MYH3: variants seen among roughly 807,000 people sequenced by gnomAD.
MYH3 encodes the protein myosin heavy chain 3, also known as myosin-3.
MYH3 carries 130 observed loss-of-function variants against 238.0 expected under a neutral mutation model. The observed-to-expected ratio is 0.55, with a 90% CI of 0.47 to 0.63. MYH3 has a LOEUF of 0.63. Ranked by LOEUF, MYH3 falls within the 30% of genes least tolerant of loss-of-function variation. The pLI, the probability that MYH3 is intolerant of heterozygous loss-of-function variation, is 0.00. For synonymous variants in MYH3, 880 were observed against 924.1 expected (o/e 0.95, Z 0.86); for missense variants, 1,853 against 2,374.9 (o/e 0.78, Z 4.57).
intron 28 of MYH3, among the ~76,000 whole-genome samples, chr17:10,637,193 G>A (rs1412199543): frequency 2.0e-5 from 3 of 151,748 alleles, no homozygotes; most frequent in African/African-American, 7.3e-5. Context: ...CCAAGTAGCT[G>A]GGATTACAGG....
chr17:10,648,599 A>T lies in MYH3; in HGVS notation c.693T>A (p.Phe231Leu). Residue 231 changes from phenylalanine to leucine, a missense_variant, in exon 8 of 41, where the codon TTT becomes TTA. Coordinates refer to ENST00000583535, the MANE Select transcript of MYH3 (RefSeq NM_002470.4). ...CATTCCTCACAGTCTTGGCGTTCCC[A>T]AAGGCCTCCAGCAGGGGATTGGCAC... ...IISANPLLEAFGNAKTVRNDN... is the reference protein window; with the variant it reads ...IISANPLLEALGNAKTVRNDN... 1 of 1,614,104 alleles carries T rather than the reference A, an allele frequency of 6.2e-7. No homozygotes were observed. The highest frequency in any genetic ancestry group is 8.5e-7 in the Non-Finnish European group (1 of 1,179,978).
At chr17:10,644,830 C>A in intron 12 of MYH3, 128 bp from the exon 13 acceptor site, 1 of 757,502 alleles carries the variant, frequency 1.3e-6, no homozygotes, top group Non-Finnish European at 2.3e-6. Flanking sequence ...ACTGCATATA[C>A]ATGGCCAATG....
chr17:10,633,771 A>G, intron 32 of MYH3, 56 bp from the exon 33 acceptor site: 1 of 1,607,188 alleles, frequency 6.2e-7, no homozygotes, highest in South Asian at 1.1e-5. Context: ...GTTTCCAGAC[A>G]TGCAAAGCAT....
chr17:10,640,695 T>C lies in MYH3; in HGVS notation c.2166-9A>G. The C allele has an allele frequency of 1.2e-6, 2 of 1,613,872 alleles. No homozygotes were observed. Among genetic ancestry groups the C allele is most frequent in the Non-Finnish European group, 1.7e-6 (2 of 1,179,858 alleles). On this transcript the variant is annotated splice_polypyrimidine_tract_variant and intron_variant, in intron 19 of 40. Transcript: ENST00000583535. ...CATTCAGCACTCGGTATCTGCATTG[T>C]AGACATGGAAATCATCACAGACTGT...
chr17:10,669,061 G>A, the MYH3 span, among the ~76,000 whole-genome samples: 1 of 152,160 alleles, frequency 6.6e-6, no homozygotes, highest in African/African-American at 2.4e-5. Flanking sequence ...TGATTGATGG[G>A]GAAACTATGA....
At chr17:10,671,287 C>G in the MYH3 span, among the ~76,000 whole-genome samples, 2 of 152,074 alleles carry the variant, frequency 1.3e-5, no homozygotes. Context: ...CTGCAGTGAA[C>G]AAATTCTTGT....
intron 32 of MYH3, 37 bp downstream of exon 32, chr17:10,633,980 G>T: frequency 6.2e-7 from 1 of 1,609,778 alleles, no homozygotes. Context: ...AATAGAGCAT[G>T]AAAGGAGGAG....
chr17:10,665,315 G>T, the MYH3 span, among the ~76,000 whole-genome samples: 1 of 152,082 alleles, frequency 6.6e-6, no homozygotes, highest in Middle Eastern at 3.4e-3. Flanking sequence ...GCTAGTTTTT[G>T]TATTTTTAGT....
In MYH3 at chr17:10,632,503, G is replaced by T; in HGVS notation, c.4929C>A (p.His1643Gln). The T allele has an allele frequency of 6.2e-7, 1 of 1,614,014 alleles. No individual in the cohort carries two copies. The highest frequency in any genetic ancestry group is 8.5e-7 in the Non-Finnish European group (1 of 1,180,042). Residue 1643 changes from histidine (H) to glutamine (Q), a missense_variant, in exon 34 of 41, where the codon CAC (histidine) becomes CAA (glutamine). By Grantham distance (24) the His-to-Gln change is conservative. Transcript: ENST00000583535. ...ANRQAAETLK[H>Q]LRSVQGQLKD... is the part of the protein sequence containing the mutation. ...TCAGCTGTCCCTGGACACTCCTGAG[G>T]TGTTTGAGGGTCTCCGCCGCCTGGC...
chr17:10,670,776 A>G, the MYH3 span, among the ~76,000 whole-genome samples: 1 of 149,936 alleles, frequency 6.7e-6, no homozygotes, highest in Non-Finnish European at 1.5e-5. This position sits in a 1 kb window ranked among gnomAD's most constrained non-coding sequence, Gnocchi z 7.0. Context: ...TACTTGCTCA[A>G]AGTACATATT....
chr17:10,662,211 C>G (rs573300789), upstream of MYH3, among the ~76,000 whole-genome samples: 1 of 151,822 alleles, frequency 6.6e-6, no homozygotes, highest in South Asian at 2.1e-4. Flanking sequence ...GAGTAGAGAC[C>G]GGGTTTTCCT....
At position 10,640,606 on chromosome 17, in the gene MYH3, G is replaced by A; in HGVS notation, c.2246C>T (p.Ser749Phe). ...SKKACEKLLA[S>F]IDIDHTQYKF... is the part of the protein sequence containing the mutation. ...GTACTGAGTGTGGTCAATATCAATGGATGCCAGAAGCTTTTCACAGGCTTT... is the reference window on the plus strand; with the variant it reads ...GTACTGAGTGTGGTCAATATCAATGAATGCCAGAAGCTTTTCACAGGCTTT... The change falls in exon 20 of 41, where the codon TCC becomes TTC. Residue 749 changes from serine (S) to phenylalanine (F), a missense_variant. Ser to Phe is a radical substitution (Grantham distance 155, BLOSUM62 -2). Coordinates refer to ENST00000583535, the MANE Select transcript of MYH3 (RefSeq NM_002470.4). 2 of 1,614,236 alleles carry A rather than the reference G, an allele frequency of 1.2e-6. No individual in the cohort carries two copies. The highest frequency in any genetic ancestry group is 1.7e-6 in the Non-Finnish European group (2 of 1,180,030).
chr17:10,675,588 C>A, the MYH3 span: 2 of 152,184 alleles, frequency 1.3e-5, no homozygotes. Context: ...TCTGGAAGCT[C>A]TCCTGGCACC....
At chr17:10,637,036 G>A (rs2074222311) in intron 28 of MYH3, among the ~76,000 whole-genome samples, 2 of 150,830 alleles carry the variant, frequency 1.3e-5, no homozygotes, top group South Asian at 2.1e-4. Flanking sequence ...TTTTCTAGGC[G>A]AAAACTCCAA....
intron 40 of MYH3, 119 bp from the exon 41 acceptor site, chr17:10,628,798 T>C (rs901912182): frequency 9.7e-6 from 11 of 1,139,626 alleles, no homozygotes; most frequent in Admixed American, 3.4e-5. Flanking sequence ...AGGATATTTT[T>C]TGGACCTTGG....
At chr17:10,666,650 T>TA in the MYH3 span, among the ~76,000 whole-genome samples, 1 of 150,720 alleles carries the variant, frequency 6.6e-6, no homozygotes, top group Admixed American at 6.6e-5. Flanking sequence ...CAGTCTCAGC[T>TA]ACTTGGGAGG....
intron 35 of MYH3, 22 bp downstream of exon 35, chr17:10,631,791 C>G: frequency 6.2e-7 from 1 of 1,614,148 alleles, no homozygotes; most frequent in Non-Finnish European, 8.5e-7. Context: ...AACCTCGCCT[C>G]TCTTCCTCTC....
In MYH3 at chr17:10,644,448, A is replaced by G; in HGVS notation, c.1313T>C (p.Leu438Ser). 1.2e-6 allele frequency: 2 copies of G among 1,614,164 alleles called. No individual in the cohort carries two copies. The highest frequency in any genetic ancestry group is 1.7e-6 in the Non-Finnish European group (2 of 1,179,948). ...LSKSVYEKLF[L>S]WMVTRINQQL... ...CTGGTTAATGCGAGTGACCATCCAC[A>G]AGAACAACTTTTCATAAACTGATTT... Residue 438 changes from leucine to serine, a missense_variant, in exon 14 of 41, where the codon TTG (leucine) becomes TCG (serine). Around this residue, in one of 3 missense-constraint regions of MYH3, gnomAD observed 678 missense variants for 1,058.9 expected, o/e 0.64. Coordinates refer to ENST00000583535, the MANE Select transcript of MYH3 (RefSeq NM_002470.4).
chr17:10,641,756 T>C (rs1191417959), intron 17 of MYH3, among the ~76,000 whole-genome samples: 1 of 152,156 alleles, frequency 6.6e-6, no homozygotes, highest in African/African-American at 2.4e-5. Context: ...CCTTGTGATC[T>C]GCCCACCTCG....
Sources: allele counts gnomAD v4.1 joint callset (sites outside exome capture counted in the v4.1 genomes callset), GRCh38; gene constraint gnomAD v4.1.1; regional missense constraint gnomAD v4.1.1; non-coding constraint Gnocchi (gnomAD v3.1); transcripts MANE v1.5; gene names NCBI Gene and HGNC (gene_info 2026-07-23, HGNC 2026-07-21).